The following CLIP2 variants were observed in gnomAD, a reference collection of about 807,000 sequenced individuals.
CLIP2 encodes CAP-Gly domain containing linker protein 2.
Under a neutral mutation model 111.7 loss-of-function variants are expected in CLIP2, and 41 were observed. That is an observed-to-expected ratio of 0.37 (90% CI 0.29 to 0.48). The LOEUF (loss-of-function observed/expected upper bound fraction) is 0.48. CLIP2 is among the 20% of genes least tolerant of loss of function. The pLI, the probability that CLIP2 is intolerant of heterozygous loss-of-function variation, is 0.99. For missense variants in CLIP2, 1,160 were observed against 1,422.1 expected, an observed-to-expected ratio of 0.82 and a Z score of 2.96; for synonymous variants, 660 against 644.2, an observed-to-expected ratio of 1.02 and a Z score of -0.37.
Position 74,404,261 on chromosome 7 carries a change from G to A in CLIP2, c.*413G>A. On this transcript the variant is annotated 3_prime_UTR_variant, in exon 17 of 17. Coordinates refer to ENST00000223398, the MANE Select transcript of CLIP2 (RefSeq NM_003388.5). Reference sequence around the variant, plus strand: ...CCCAGAGGGGCCGGCGGGGGCTGGGGAGGGGGTAAGTTTATCCATGCAGAC... The same window carrying A: ...CCCAGAGGGGCCGGCGGGGGCTGGGAAGGGGGTAAGTTTATCCATGCAGAC... 4.7e-6 allele frequency: 1 copy of A among 212,860 alleles called. No homozygotes were observed. Among genetic ancestry groups the A allele is most frequent in the Non-Finnish European group, 9.6e-6 (1 of 104,146 alleles). The allele number at this position is 212,860 out of a possible 1,614,324, so 13.2% of individuals were successfully genotyped here. A position where few individuals can be genotyped will look rare whatever the true frequency, so the allele number is the denominator to read the frequency against.
chr7:74,346,732 A>AAAC (rs1554306382), intron 3 of CLIP2, among the ~76,000 whole-genome samples: 2 of 64,448 alleles, frequency 3.1e-5, no homozygotes, highest in African/African-American at 3.2e-5. Flanking sequence ...AAAAAAAAAA[A>AAAC]AAAAAAAAAA....
chr7:74,401,795 G>A (rs1791628263), intron 16 of CLIP2: 1 of 654,370 alleles, frequency 1.5e-6, no homozygotes, highest in African/African-American at 1.8e-5. Context: ...GTTGGGCGCA[G>A]TGGCCCACGC....
In CLIP2 at chr7:74,326,826, C is replaced by T. The variant is rs62476408; in HGVS notation, c.121+9159C>T. ...TAATTTTTGTATTTTTGAGTACAGA[C>T]GGGGTTTCACCATATTGGCCAGGCT... On this transcript the variant is annotated intron_variant, in intron 2 of 16. Coordinates refer to ENST00000223398, the MANE Select transcript of CLIP2 (RefSeq NM_003388.5). Among the ~76,000 whole-genome samples, 1,457 of 150,482 alleles carry T rather than the reference C, an allele frequency of 9.7e-3. 9 individuals are homozygous for T. Among genetic ancestry groups the T allele is most frequent in the Non-Finnish European group, 0.014 (977 of 67,594 alleles).
At chr7:74,349,228 C>T (rs1789899878) in intron 3 of CLIP2, among the ~76,000 whole-genome samples, 1 of 151,286 alleles carries the variant, frequency 6.6e-6, no homozygotes, top group Non-Finnish European at 1.5e-5. Context: ...GTCAAGAGAC[C>T]GAGACCATCT....
chr7:74,296,250 T>A (rs1788166309), intron 1 of CLIP2, among the ~76,000 whole-genome samples: 1 of 151,974 alleles, frequency 6.6e-6, no homozygotes, highest in African/African-American at 2.4e-5. Flanking sequence ...GCCTCACGTC[T>A]GTAATCCCAA....
chr7:74,314,179 C>CAAAAA (rs35306275), intron 1 of CLIP2, among the ~76,000 whole-genome samples: 16 of 123,086 alleles, frequency 1.3e-4, no homozygotes, highest in South Asian at 2.7e-4. Flanking sequence ...GACTCTGTCT[C>CAAAAA]AAAAAAAAAA....
chr7:74,376,651 G>GTTCCTCAAGGAGCAGATC lies in CLIP2; in HGVS notation c.2252_2269dup (p.Phe751_Ile756dup), dbSNP rs1790800777. On this transcript the variant is annotated inframe_insertion, in exon 10 of 17. Transcript: ENST00000223398. The surrounding 1 kb of genome is among the most constrained non-coding windows in gnomAD (Gnocchi z 7.1). ...ACCGGGGCCAGGCGCAGGCTATCGAGTTCCTCAAGGAGCAGATCTCGCTGG... is the reference window on the plus strand; with the variant it reads ...ACCGGGGCCAGGCGCAGGCTATCGAGTTCCTCAAGGAGCAGATCTTCCTCAAGGAGCAGATCTCGCTGG... 1.2e-6 allele frequency: 2 copies of GTTCCTCAAGGAGCAGATC among 1,613,380 alleles called. No individual in the cohort carries two copies. Among genetic ancestry groups the GTTCCTCAAGGAGCAGATC allele is most frequent in the South Asian group, 2.2e-5 (2 of 90,854 alleles).
intron 3 of CLIP2, among the ~76,000 whole-genome samples, chr7:74,353,209 TA>T (rs1363551177): frequency 6.6e-6 from 1 of 151,216 alleles, no homozygotes; most frequent in Non-Finnish European, 1.5e-5. Flanking sequence ...AGCTCTAGTA[TA>T]TACTAGACAC....
Position 74,308,551 on chromosome 7 carries a change from C to T in CLIP2, c.-67-8929C>T, listed in dbSNP as rs184636271. Among the ~76,000 whole-genome samples, 11 of 152,224 alleles carry T rather than the reference C, an allele frequency of 7.2e-5. No homozygotes were observed. In the East Asian group the frequency reaches 1.9e-3, roughly 27 times the overall value. On this transcript the variant is annotated intron_variant, in intron 1 of 16. Transcript: ENST00000223398. ...ATGGAGTCTCGCTTTGTTGCCCAGG[C>T]TGGAGCATGGTGGTGCGATGTCAGC...
intron 3 of CLIP2, among the ~76,000 whole-genome samples, chr7:74,352,697 T>G (rs1335588474): frequency 2.2e-5 from 1 of 46,378 alleles, no homozygotes; most frequent in Non-Finnish European, 6.3e-5. Flanking sequence ...CAACACTGTC[T>G]CAAAAAAAAA....
At chr7:74,364,994 TGTGTGTG>T (rs1285973673) in intron 8 of CLIP2, 16 of 5,620 alleles carry the variant, frequency 2.8e-3, no homozygotes, top group African/African-American at 8.8e-3. Flanking sequence ...TGTTTTTTGT[TGTGTGTG>T]TGTGTGTGTG....
intron 3 of CLIP2, among the ~76,000 whole-genome samples, chr7:74,353,662 C>CT (rs1162538108): frequency 1.2e-4 from 19 of 152,224 alleles, no homozygotes; most frequent in African/African-American, 4.3e-4. Flanking sequence ...GTGTGTCTGT[C>CT]TTCAAAGCCT....
chr7:74,292,023 C>G (rs1318475901), intron 1 of CLIP2, among the ~76,000 whole-genome samples: 1 of 150,590 alleles, frequency 6.6e-6, no homozygotes, highest in African/African-American at 2.5e-5. Flanking sequence ...CTCCTGGGTT[C>G]AAGCAATTCT....
chr7:74,332,966 A>G (rs1789337077), intron 2 of CLIP2, among the ~76,000 whole-genome samples: 1 of 152,210 alleles, frequency 6.6e-6, no homozygotes, highest in African/African-American at 2.4e-5. Context: ...CAGGCAGGGC[A>G]GGACCCGCGT....
chr7:74,355,610 G>A (rs374087925), intron 4 of CLIP2, among the ~76,000 whole-genome samples: 3 of 152,030 alleles, frequency 2.0e-5, no homozygotes, highest in Admixed American at 6.6e-5. Context: ...ACCCTGTCTC[G>A]AAAGAAAGAA....
chr7:74,362,682 G>A (rs1320612386), intron 7 of CLIP2, among the ~76,000 whole-genome samples: 1 of 151,546 alleles, frequency 6.6e-6, no homozygotes, highest in African/African-American at 2.4e-5. Context: ...CTACAGGTGC[G>A]CATCACCATG....
At chr7:74,303,443 G>A (rs1165530885) in intron 1 of CLIP2, among the ~76,000 whole-genome samples, 1 of 152,030 alleles carries the variant, frequency 6.6e-6, no homozygotes, top group Non-Finnish European at 1.5e-5. Flanking sequence ...AGGGCTTGGG[G>A]AGCCCCCTTC....
chr7:74,397,338 C>T (rs1419801263), intron 14 of CLIP2, 105 bp downstream of exon 14: 2 of 1,202,826 alleles, frequency 1.7e-6, no homozygotes, highest in Non-Finnish European at 2.3e-6. Flanking sequence ...GGAATGACCC[C>T]AGGGACAGCT....
chr7:74,386,549 C>A lies in CLIP2; in HGVS notation c.2508C>A (p.Asp836Glu), dbSNP rs782509857. 6.2e-7 allele frequency: 1 copy of A among 1,611,470 alleles called. No individual in the cohort carries two copies. Among genetic ancestry groups the A allele is most frequent in the Admixed American group, 1.7e-5 (1 of 59,568 alleles). Reference protein sequence around the residue: ...EGLQDKLNKRDKEVTALTSQT... With the variant: ...EGLQDKLNKREKEVTALTSQT... Reference sequence around the variant, plus strand: ...TGCAGGACAAGCTGAACAAGAGGGACAAAGAGGTGACAGCCTTGACCTCCC... The same window carrying A: ...TGCAGGACAAGCTGAACAAGAGGGAAAAAGAGGTGACAGCCTTGACCTCCC... The change falls in exon 12 of 17, where the codon GAC becomes GAA. Residue 836 changes from aspartate (D) to glutamate (E), a missense_variant. Physicochemically the swap from Asp to Glu is conservative, Grantham distance 45. This residue lies in a region of CLIP2 where 676 missense variants were observed against 777.8 expected (regional missense o/e 0.87). Coordinates refer to ENST00000223398, the MANE Select transcript of CLIP2 (RefSeq NM_003388.5).
Sources: gnomAD v4.1 joint callset for allele counts (sites outside exome capture counted in the v4.1 genomes callset) on GRCh38, gnomAD v4.1.1 for gene constraint, gnomAD v4.1.1 regional missense constraint, Gnocchi (gnomAD v3.1) non-coding constraint, MANE v1.5 for transcripts, NCBI Gene and HGNC (gene_info 2026-07-23, HGNC 2026-07-21) for gene names.